THOC7: variants seen among roughly 807,000 people sequenced by gnomAD.
THOC7 encodes the protein NIF3L1-binding protein 1.
Under a neutral mutation model 33.1 loss-of-function variants are expected in THOC7, and 22 were observed. That is an observed-to-expected ratio of 0.66 (90% CI 0.47 to 0.95). The LOEUF (loss-of-function observed/expected upper bound fraction) is 0.95. Ranked by LOEUF, THOC7 falls within the 40% of genes least tolerant of loss-of-function variation. The probability of loss-of-function intolerance (pLI) is 0.00; values close to 1 mark genes in which losing one functional copy is unlikely to be tolerated. For synonymous variants in THOC7, 77 were observed against 76.8 expected, an observed-to-expected ratio of 1.00 and a Z score of -0.01; for missense variants, 184 against 245.3, an observed-to-expected ratio of 0.75 and a Z score of 1.67.
intron 1 of THOC7, 72 bp from the exon 2 acceptor site, chr3:63,839,845 T>G: frequency 2.4e-6 from 3 of 1,227,538 alleles, no homozygotes; most frequent in Non-Finnish European, 3.5e-6. Flanking sequence ...AGTATCACTG[T>G]TCATTTGTTT....
rs1702302948 is a variant in THOC7, at chr3:63,863,729, C to T, written c.19+43G>A. On this transcript the variant is annotated intron_variant, in intron 1 of 7. Transcript: ENST00000295899. ...GCCAGGGGTCTCAGGGGAGGCCCAG[C>T]GGGCCGTGCAGCGGGCGCGTGTGGC... 4.0e-6 allele frequency: 5 copies of T among 1,248,302 alleles called. No individual in the cohort carries two copies. The South Asian group carries it at 1.5e-4, about 37-fold the overall frequency. The allele number at this position is 1,248,302 out of a possible 1,614,324, so 77.3% of individuals were successfully genotyped here.
chr3:63,840,668 C>T (rs1443434833), intron 1 of THOC7, among the ~76,000 whole-genome samples: 1 of 152,186 alleles, frequency 6.6e-6, no homozygotes, highest in Non-Finnish European at 1.5e-5. Context: ...ATCTGTCTGC[C>T]TGGCAGTCCT....
rs759005934 is a variant in THOC7, at chr3:63,835,338, T to C, written c.463A>G (p.Ser155Gly). ...ELEHLSHIKESVEDKLELRRK... is the reference protein window; with the variant it reads ...ELEHLSHIKEGVEDKLELRRK... ...TATGCGAATACCTTATCTTCAACACTTTCTTTAATGTGTGAAAGATGCTCT... is the reference window on the plus strand; with the variant it reads ...TATGCGAATACCTTATCTTCAACACCTTCTTTAATGTGTGAAAGATGCTCT... Residue 155 changes from serine (S) to glycine (G), a missense_variant, in exon 6 of 8, where the codon AGT becomes GGT. Coordinates refer to ENST00000295899, the MANE Select transcript of THOC7 (RefSeq NM_025075.4). 2 of 1,613,450 alleles carry C rather than the reference T, an allele frequency of 1.2e-6. No homozygotes were observed. Among genetic ancestry groups the C allele is most frequent in the Non-Finnish European group, 1.7e-6 (2 of 1,179,748 alleles).
rs1307700714 is a variant in THOC7, at chr3:63,838,491, T to G, written c.146A>C (p.Gln49Pro). 12 of 1,585,372 alleles carry G rather than the reference T, an allele frequency of 7.6e-6. No homozygotes were observed. Among genetic ancestry groups the G allele is most frequent in the Admixed American group, 5.9e-5 (3 of 50,506 alleles). The change falls in exon 3 of 8, where the codon CAG becomes CCG. Residue 49 changes from glutamine (Q) to proline (P), a missense_variant. Around this residue, in one of 3 missense-constraint regions of THOC7, gnomAD observed 157 missense variants for 201.3 expected, o/e 0.78. Transcript: ENST00000295899. ...NSGSQEEGYS[Q>P]YQRMLSTLSQ... ...CAGCGTGCTCAGCATACGTTGGTAC[T>G]GGCTATATCTAATGAAAAAGAAAGA...
chr3:63,845,041 G>A, intron 1 of THOC7: 1 of 699,896 alleles, frequency 1.4e-6, no homozygotes, highest in African/African-American at 1.7e-5. Flanking sequence ...AAAAGGACCT[G>A]GAGACAGCTG....
Position 63,838,427 on chromosome 3 carries a change from T to C in THOC7, c.210A>G (p.Val70=), listed in dbSNP as rs778557535. 3.7e-6 allele frequency: 6 copies of C among 1,604,066 alleles called. No homozygotes were observed. In the Admixed American group the frequency reaches 6.8e-5, roughly 18 times the overall value. ...CCATTTCTCTGAGATTCATATCATA[T>C]ACTAGTAAAGTTTTGCCCATTGAAA... ...CEFSMGKTLL[V]YDMNLREMEN... Residue 70 remains valine, a synonymous_variant, in exon 3 of 8, where the codon GTA becomes GTG. Transcript: ENST00000295899.
chr3:63,850,540 C>CAACT (rs1701997993), intron 1 of THOC7, among the ~76,000 whole-genome samples: 1 of 148,484 alleles, frequency 6.7e-6, no homozygotes, highest in Admixed American at 6.8e-5. Context: ...ACTAGATTAC[C>CAACT]AACTAAACAA....
intron 4 of THOC7, among the ~76,000 whole-genome samples, chr3:63,836,661 A>C (rs1701640775): frequency 6.6e-6 from 1 of 152,020 alleles, no homozygotes; most frequent in African/African-American, 2.4e-5. Flanking sequence ...TATCAAATAG[A>C]CTGATTCTGA....
intron 1 of THOC7, among the ~76,000 whole-genome samples, chr3:63,846,963 G>A (rs974721994): frequency 6.6e-6 from 1 of 152,022 alleles, no homozygotes; most frequent in African/African-American, 2.4e-5. Context: ...ATGACATTTG[G>A]GCCTGTCCTA....
At chr3:63,859,322 A>G (rs1702166015) in intron 1 of THOC7, among the ~76,000 whole-genome samples, 1 of 152,240 alleles carries the variant, frequency 6.6e-6, no homozygotes, top group Non-Finnish European at 1.5e-5. Context: ...AGGACAATTC[A>G]GTCTCCTTTC....
chr3:63,849,513 C>T (rs1355267582), intron 1 of THOC7, among the ~76,000 whole-genome samples: 1 of 152,054 alleles, frequency 6.6e-6, no homozygotes, highest in African/African-American at 2.4e-5. Flanking sequence ...TGATGTGTGC[C>T]TTCATTTGGC....
chr3:63,859,257 T>A (rs934659555), intron 1 of THOC7, among the ~76,000 whole-genome samples: 1 of 152,248 alleles, frequency 6.6e-6, no homozygotes, highest in Admixed American at 6.5e-5. Context: ...AAAAGATGAA[T>A]TGGATCACTA....
At chr3:63,857,986 A>G (rs1290989491) in intron 1 of THOC7, among the ~76,000 whole-genome samples, 2 of 152,222 alleles carry the variant, frequency 1.3e-5, no homozygotes, top group African/African-American at 4.8e-5. Context: ...AAGATGGAAG[A>G]AAGTGGGCAA....
upstream of THOC7, chr3:63,863,838 C>A: frequency 8.2e-7 from 1 of 1,219,616 alleles, no homozygotes; most frequent in South Asian, 4.0e-5. Flanking sequence ...GCTGAGGCGG[C>A]GGTTGGCGGC....
At chr3:63,840,644 C>A (rs902201085) in intron 1 of THOC7, among the ~76,000 whole-genome samples, 8 of 152,096 alleles carry the variant, frequency 5.3e-5, no homozygotes, top group East Asian at 1.9e-4. Flanking sequence ...TGATGGCCAA[C>A]AAGTGGGGTC....
At chr3:63,835,786 C>T (rs1701619875) in intron 5 of THOC7, among the ~76,000 whole-genome samples, 4 of 152,036 alleles carry the variant, frequency 2.6e-5, no homozygotes, top group African/African-American at 7.2e-5. Flanking sequence ...CTTTTTATCT[C>T]CTCTACCTCC....
chr3:63,835,127 A>C, intron 7 of THOC7, 27 bp downstream of exon 7: 11 of 1,608,972 alleles, frequency 6.8e-6, no homozygotes, highest in Non-Finnish European at 9.3e-6. Context: ...CTTCATAAGC[A>C]TTTACTTTGA....
intron 4 of THOC7, among the ~76,000 whole-genome samples, chr3:63,836,953 G>A (rs1195948296): frequency 6.6e-6 from 1 of 151,648 alleles, no homozygotes; most frequent in African/African-American, 2.4e-5. Context: ...CGAAAACACT[G>A]CAAAATATTT....
intron 7 of THOC7, among the ~76,000 whole-genome samples, chr3:63,834,421 AG>A (rs1287781260): frequency 6.6e-6 from 1 of 151,962 alleles, no homozygotes; most frequent in Non-Finnish European, 1.5e-5. Flanking sequence ...GCACTTTGGG[AG>A]GCCAAGGCAG....
Sources: allele counts gnomAD v4.1 joint callset (sites outside exome capture counted in the v4.1 genomes callset), GRCh38; gene constraint gnomAD v4.1.1; regional missense constraint gnomAD v4.1.1; transcripts MANE v1.5; gene names NCBI Gene and HGNC (gene_info 2026-07-23, HGNC 2026-07-21).